Variants in USP54 observed in about 807,000 individuals in gnomAD.
USP54 encodes ubiquitin carboxyl-terminal hydrolase 54.
A neutral mutation model predicts 170.5 loss-of-function variants in USP54; 87 were observed. The observed-to-expected ratio is 0.51, with a 90% CI of 0.43 to 0.61. The LOEUF (loss-of-function observed/expected upper bound fraction) is 0.61. Ranked by LOEUF, USP54 falls within the 20% of genes least tolerant of loss-of-function variation. The pLI is 0.00. For synonymous variants in USP54, 655 were observed against 742.8 expected (o/e 0.88, Z 1.92); for missense variants, 1,786 against 2,047.8 (o/e 0.87, Z 2.47).
intron 15 of USP54, among the ~76,000 whole-genome samples, chr10:73,527,762 G>A (rs1334692521): frequency 6.6e-6 from 1 of 150,520 alleles, no homozygotes; most frequent in African/African-American, 2.4e-5. Flanking sequence ...TACTCTGGGA[G>A]GCTGAGGTGG....
chr10:73,574,767 T>C (rs912761096), intron 3 of USP54, among the ~76,000 whole-genome samples: 2 of 147,222 alleles, frequency 1.4e-5, no homozygotes, highest in Admixed American at 6.8e-5. Context: ...ACTGAGGCAG[T>C]AGGATCACCT....
intron 4 of USP54, among the ~76,000 whole-genome samples, chr10:73,554,482 GAA>G (rs1191843447): frequency 6.6e-6 from 1 of 152,186 alleles, no homozygotes; most frequent in Non-Finnish European, 1.5e-5. Context: ...CTGACTACTG[GAA>G]AAGAGACGTT....
chr10:73,545,711 C>T (rs769846536), intron 4 of USP54, 39 bp from the exon 5 acceptor site: 177 of 1,604,452 alleles, frequency 1.1e-4, no homozygotes, highest in Non-Finnish European at 1.4e-4. Context: ...AAGTACAATG[C>T]TGTTATTAAA....
chr10:73,509,703 T>G (rs556489534), intron 20 of USP54, among the ~76,000 whole-genome samples: 1 of 152,136 alleles, frequency 6.6e-6, no homozygotes, highest in East Asian at 1.9e-4. Context: ...ATTCAGAGAT[T>G]TGTTTTAAAA....
At chr10:73,597,398 T>C (rs1049784151) in intron 1 of USP54, among the ~76,000 whole-genome samples, 2 of 152,158 alleles carry the variant, frequency 1.3e-5, no homozygotes, top group African/African-American at 4.8e-5. Context: ...AAACCTAAGA[T>C]TGGTGCTCAA....
At chr10:73,596,073 C>A (rs565346910), upstream of USP54, among the ~76,000 whole-genome samples, 1 of 147,336 alleles carries the variant, frequency 6.8e-6, no homozygotes, top group African/African-American at 2.5e-5. Flanking sequence ...ATGGTGCCAC[C>A]GCACTCCAGC....
chr10:73,601,117 G>A (rs2079134366), intron 1 of USP54, among the ~76,000 whole-genome samples: 1 of 151,976 alleles, frequency 6.6e-6, no homozygotes, highest in Non-Finnish European at 1.5e-5. Context: ...AAGTGAATAG[G>A]AAAGTTTGGG....
At chr10:73,578,958 T>C (rs1259564106) in intron 1 of USP54, among the ~76,000 whole-genome samples, 1 of 149,632 alleles carries the variant, frequency 6.7e-6, no homozygotes, top group Admixed American at 6.6e-5. Context: ...TTTTTTTTTT[T>C]TTGAGACAGT....
At chr10:73,507,474 A>G (rs1417728647) in intron 20 of USP54, among the ~76,000 whole-genome samples, 2 of 151,812 alleles carry the variant, frequency 1.3e-5, no homozygotes, top group Non-Finnish European at 2.9e-5. Context: ...GGAGTTCGAG[A>G]CCAGCCTGTC....
rs1356123168 is a variant in USP54, at chr10:73,516,786, GC to G, written c.3639del (p.Leu1214CysfsTer27). ...CCGCTAGAAGTTTCACCATTAGGCA[GC>G]CCAGAGTTTAAGGCAAGAGAAGAAT... ...TEHSSLALNS[G>X]LPNGETSSGG... On this transcript the variant is annotated frameshift_variant, in exon 20 of 24. Transcript: ENST00000687698. LOFTEE classifies it high-confidence loss of function. 1 of 1,614,148 alleles carries G rather than the reference GC, an allele frequency of 6.2e-7. No homozygotes were observed. The highest frequency in any genetic ancestry group is 2.2e-5 in the East Asian group (1 of 44,886).
chr10:73,523,368 T>C (rs1041758036), intron 17 of USP54, among the ~76,000 whole-genome samples: 4 of 152,222 alleles, frequency 2.6e-5, no homozygotes, highest in Non-Finnish European at 4.4e-5. Flanking sequence ...ATCTCTAATC[T>C]ATAGGCTTTT....
At chr10:73,566,450 T>C (rs1222295014) in intron 4 of USP54, among the ~76,000 whole-genome samples, 1 of 151,168 alleles carries the variant, frequency 6.6e-6, no homozygotes, top group Non-Finnish European at 1.5e-5. Flanking sequence ...AACAAGGAAA[T>C]GGGCCAGGCG....
chr10:73,593,445 C>T (rs950407065), upstream of USP54, among the ~76,000 whole-genome samples: 7 of 150,354 alleles, frequency 4.7e-5, no homozygotes, highest in Admixed American at 1.3e-4. Flanking sequence ...TTGCTAACTA[C>T]GTCAAGAGGG....
Position 73,542,866 on chromosome 10 carries a change from C to G in USP54, c.509G>C (p.Gly170Ala), listed in dbSNP as rs1346476120. The change falls in exon 7 of 24, where the codon GGT becomes GCT. Residue 170 changes from glycine to alanine, a missense_variant. Gly to Ala is a moderately conservative substitution (Grantham distance 60). Transcript: ENST00000687698. Reference sequence around the variant, plus strand: ...GAAAGGCAGCGGATCAGAAGTGGCACCACAGCTAGTACATACACACTGGGC... The same window carrying G: ...GAAAGGCAGCGGATCAGAAGTGGCAGCACAGCTAGTACATACACACTGGGC... ...LFEQCVCTSCGATSDPLPFIQ... is the reference protein window; with the variant it reads ...LFEQCVCTSCAATSDPLPFIQ... The G allele has an allele frequency of 6.2e-7, 1 of 1,614,096 alleles. No homozygotes were observed. Among genetic ancestry groups the G allele is most frequent in the Admixed American group, 1.7e-5 (1 of 60,002 alleles).
chr10:73,615,383 TAGAA>T (rs1194284846), intron 1 of USP54, among the ~76,000 whole-genome samples: 2 of 149,640 alleles, frequency 1.3e-5, no homozygotes, highest in Non-Finnish European at 2.9e-5. Context: ...AAAACAAAAA[TAGAA>T]AGAATGAGTA....
intron 4 of USP54, among the ~76,000 whole-genome samples, chr10:73,560,663 CAAAAAAAAAAAAAAA>C (rs751168962): frequency 6.1e-5 from 1 of 16,490 alleles, no homozygotes; most frequent in South Asian, 1.6e-3. Flanking sequence ...AACTCCGTCT[CAAAAAAAAAAAAAAA>C]AAAAAAAAAA....
chr10:73,538,518 T>C (rs960985935), intron 10 of USP54: 2 of 151,692 alleles, frequency 1.3e-5, no homozygotes, highest in African/African-American at 4.8e-5. Context: ...GATTATAGTT[T>C]AAAAAAACAC....
chr10:73,614,602 C>T (rs1240608550), intron 1 of USP54, among the ~76,000 whole-genome samples: 1 of 140,812 alleles, frequency 7.1e-6, no homozygotes, highest in African/African-American at 2.8e-5. Flanking sequence ...GGCGTACATA[C>T]ATACATACAC....
chr10:73,498,577 A>G lies in USP54; in HGVS notation c.*52T>C, dbSNP rs528324471. 2.6e-5 allele frequency: 39 copies of G among 1,489,230 alleles called. No individual in the cohort carries two copies. The African/African-American group carries it at 4.6e-4, about 18-fold the overall frequency. 92.3% of individuals were successfully genotyped at this position (1,489,230 alleles called of 1,614,324 possible). A position where few individuals can be genotyped will look rare whatever the true frequency, so the allele number is the denominator to read the frequency against. On this transcript the variant is annotated 3_prime_UTR_variant, in exon 24 of 24. Transcript: ENST00000687698. ...GTGTGAGCCACCGCGCCCGGCCCAC[A>G]GTACAGTTTTACAAAGAAAGGTGTA...
Sources: gnomAD v4.1 joint callset for allele counts (sites outside exome capture counted in the v4.1 genomes callset) on GRCh38, gnomAD v4.1.1 for gene constraint, MANE v1.5 for transcripts, NCBI Gene and HGNC (gene_info 2026-07-23, HGNC 2026-07-21) for gene names.